RNF135: variants seen among roughly 807,000 people sequenced by gnomAD.
RNF135 encodes the protein E3 ubiquitin-protein ligase RNF135.
In RNF135, 46 loss-of-function variants were observed where a neutral mutation model predicts 41.9. The ratio of observed to expected loss-of-function variants is 1.10; its 90% confidence interval spans 0.87 to 1.40. The LOEUF (loss-of-function observed/expected upper bound fraction) is 1.40. Ranked by LOEUF, RNF135 falls within the 40% of genes most tolerant of loss-of-function variation. The pLI, the probability that RNF135 is intolerant of heterozygous loss-of-function variation, is 0.00. For missense variants in RNF135, 539 were observed against 549.8 expected (o/e 0.98, Z 0.20); for synonymous variants, 238 against 223.8 (o/e 1.06, Z -0.57).
At position 30,971,046 on chromosome 17, in the gene RNF135, ACGTCCGCGC is replaced by A. The variant is rs555238173; in HGVS notation, c.-26_-18del. 2,131 of 1,533,560 alleles carry A rather than the reference ACGTCCGCGC, an allele frequency of 1.4e-3. 29 individuals are homozygous for A. The African/African-American group carries it at 0.024, about 17-fold the overall frequency. The allele number at this position is 1,533,560 out of a possible 1,614,324, so 95.0% of individuals were successfully genotyped here. ...AGGAGACTCGCCCGGCTCAACCCCGACGTCCGCGCCCCGGCCGCCTGTTGGCCATGGCGG... is the reference window on the plus strand; with the variant it reads ...AGGAGACTCGCCCGGCTCAACCCCGACCCGGCCGCCTGTTGGCCATGGCGG... On this transcript the variant is annotated 5_prime_UTR_variant, in exon 1 of 5. Transcript: ENST00000328381.
rs1222277249 is a variant in RNF135, at chr17:30,981,158, G to A, written c.373-3459G>A. On this transcript the variant is annotated intron_variant, in intron 1 of 4. Coordinates refer to ENST00000328381, the MANE Select transcript of RNF135 (RefSeq NM_032322.4). ...GGATCACTCGCGGTTAGGAGCTGGA[G>A]ACCAGCCCGGCCAACACAGCGAAAC... Among the ~76,000 whole-genome samples the A allele has an allele frequency of 5.3e-5, 8 of 149,882 alleles. No homozygotes were observed. In the East Asian group the frequency reaches 1.6e-3, roughly 29 times the overall value.
At chr17:30,992,039 C>T (rs1813075741) in intron 3 of RNF135, among the ~76,000 whole-genome samples, 2 of 149,884 alleles carry the variant, frequency 1.3e-5, no homozygotes, top group Non-Finnish European at 1.5e-5. Flanking sequence ...TCAAGTGATT[C>T]TCCTGCCTCA....
intron 3 of RNF135, among the ~76,000 whole-genome samples, chr17:30,991,092 G>A (rs1907954179): frequency 6.6e-6 from 1 of 152,054 alleles, no homozygotes; most frequent in African/African-American, 2.4e-5. Context: ...CCTCCAGTTG[G>A]GTTATACCAG....
chr17:30,987,476 CCCT>C, intron 2 of RNF135, among the ~76,000 whole-genome samples: 1 of 152,286 alleles, frequency 6.6e-6, no homozygotes. Flanking sequence ...AGGTGTTCTA[CCCT>C]CCTCAGCCTT....
intron 3 of RNF135, 47 bp downstream of exon 3, chr17:30,988,153 G>A (rs1358356342): frequency 1.3e-6 from 2 of 1,582,766 alleles, no homozygotes; most frequent in East Asian, 4.5e-5. Context: ...TGGAAGTTGG[G>A]GGGAGTAGCA....
the RNF135 span, among the ~76,000 whole-genome samples, chr17:30,961,033 C>A: frequency 6.6e-6 from 1 of 152,132 alleles, no homozygotes; most frequent in Admixed American, 6.5e-5. Context: ...GCCACCACGC[C>A]AGGCCTGTAA....
chr17:30,986,999 C>T (rs1009671789), intron 2 of RNF135, among the ~76,000 whole-genome samples: 5 of 151,762 alleles, frequency 3.3e-5, no homozygotes, highest in Non-Finnish European at 5.9e-5. Context: ...GTAATACTAC[C>T]GTATTTTGAT....
chr17:30,994,890 G>A (rs58923364), intron 3 of RNF135, among the ~76,000 whole-genome samples: 14 of 150,776 alleles, frequency 9.3e-5, no homozygotes, highest in Non-Finnish European at 1.2e-4. Context: ...CACCCGTCTC[G>A]GCCTCCCAAA....
At chr17:30,979,936 G>A (rs1428408098) in intron 1 of RNF135, among the ~76,000 whole-genome samples, 1 of 111,020 alleles carries the variant, frequency 9.0e-6, no homozygotes, top group Non-Finnish European at 1.9e-5. Context: ...GGGGCGGCCG[G>A]GCAGAGGCGC....
intron 1 of RNF135, among the ~76,000 whole-genome samples, chr17:30,980,582 C>T (rs1355871346): frequency 3.6e-5 from 5 of 137,614 alleles, no homozygotes; most frequent in African/African-American, 5.5e-5. Context: ...GGTTGCCGGA[C>T]GGAGGGGCTC....
chr17:30,989,727 C>T (rs537790455), intron 3 of RNF135, among the ~76,000 whole-genome samples: 45 of 152,270 alleles, frequency 3.0e-4, no homozygotes, highest in African/African-American at 1.1e-3. Context: ...CTGGCCAGTG[C>T]AGTGGCTTAT....
intron 1 of RNF135, among the ~76,000 whole-genome samples, chr17:30,981,956 G>A (rs1198665522): frequency 6.6e-6 from 1 of 152,220 alleles, no homozygotes; most frequent in Non-Finnish European, 1.5e-5. Context: ...GAAGCACCTT[G>A]TGGCCATGAC....
intron 1 of RNF135, chr17:30,979,240 A>ACCCCCCC (rs1167968050): frequency 1.4e-5 from 1 of 70,342 alleles, no homozygotes; most frequent in African/African-American, 1.0e-4. Flanking sequence ...CGGGGGGCTG[A>ACCCCCCC]CCCCCCCCCC....
chr17:30,971,361 C>CGACCCT lies in RNF135; in HGVS notation c.290_295dup (p.Asp97_Pro98dup). ...CCGCACGCGAGATACAGGCGGGCTC[C>CGACCCT]GACCCTGCCCACTGCCCCTGCCCGG... On this transcript the variant is annotated inframe_insertion, in exon 1 of 5. Coordinates refer to ENST00000328381, the MANE Select transcript of RNF135 (RefSeq NM_032322.4). The CGACCCT allele has an allele frequency of 6.5e-7, 1 of 1,529,542 alleles. No individual in the cohort carries two copies. Among genetic ancestry groups the CGACCCT allele is most frequent in the Non-Finnish European group, 8.7e-7 (1 of 1,142,876 alleles). 94.7% of individuals were successfully genotyped at this position (1,529,542 alleles called of 1,614,324 possible). A position where few individuals can be genotyped will look rare whatever the true frequency, so the allele number is the denominator to read the frequency against.
chr17:30,982,924 C>T (rs1241600839), intron 1 of RNF135, among the ~76,000 whole-genome samples: 1 of 152,130 alleles, frequency 6.6e-6, no homozygotes, highest in Non-Finnish European at 1.5e-5. Context: ...TCTCCATTTC[C>T]TCTTCCCCCA....
upstream of RNF135, among the ~76,000 whole-genome samples, chr17:30,967,334 A>T (rs1905591454): frequency 6.6e-6 from 1 of 152,140 alleles, no homozygotes; most frequent in South Asian, 2.1e-4. Flanking sequence ...CTGGGCATAA[A>T]TGCATTTTTG....
At position 30,995,313 on chromosome 17, in the gene RNF135, G is replaced by A. The variant is rs1050801749; in HGVS notation, c.680-1929G>A. ...TGAGGCAGGAGAATGGCGTGAACCC[G>A]GGAGGTGGAGCTTGCAGTGAGCTGA... is the stretch of plus-strand genomic sequence containing the variant. On this transcript the variant is annotated intron_variant, in intron 3 of 4. Transcript: ENST00000328381. Among the ~76,000 whole-genome samples, 12 of 152,098 alleles carry A rather than the reference G, an allele frequency of 7.9e-5. No individual in the cohort carries two copies. The East Asian group carries it at 1.4e-3, about 17-fold the overall frequency.
At chr17:30,982,627 T>G (rs1350152881) in intron 1 of RNF135, among the ~76,000 whole-genome samples, 6 of 152,160 alleles carry the variant, frequency 3.9e-5, no homozygotes, top group Admixed American at 3.9e-4. Flanking sequence ...GTGTAGTTGT[T>G]AAATTTGGTG....
intron 3 of RNF135, among the ~76,000 whole-genome samples, chr17:30,995,409 T>C (rs1315801180): frequency 6.6e-6 from 1 of 152,004 alleles, no homozygotes; most frequent in East Asian, 1.9e-4. Flanking sequence ...AAGAATTGTT[T>C]TGTAGAGACA....
Sources: gnomAD v4.1 joint callset for allele counts (sites outside exome capture counted in the v4.1 genomes callset) on GRCh38, gnomAD v4.1.1 for gene constraint, MANE v1.5 for transcripts, NCBI Gene and HGNC (gene_info 2026-07-23, HGNC 2026-07-21) for gene names.